Variants in RASA2 observed in about 807,000 individuals in gnomAD.
RASA2 encodes the protein ras GTPase-activating protein 2.
A neutral mutation model predicts 118.2 loss-of-function variants in RASA2; 155 were observed. That is an observed-to-expected ratio of 1.31 (90% CI 1.15 to 1.50). The LOEUF is 1.50. RASA2 is among the 40% of genes most tolerant of loss of function. RASA2 has a pLI of 0.00. For synonymous variants in RASA2, 353 were observed against 349.1 expected (o/e 1.01, Z -0.12); for missense variants, 1,016 against 1,009.6 (o/e 1.01, Z -0.09).
At chr3:141,562,334 AAG>A (rs869181081) in intron 9 of RASA2, among the ~76,000 whole-genome samples, 3 of 150,962 alleles carry the variant, frequency 2.0e-5, no homozygotes, top group Admixed American at 6.6e-5. Flanking sequence ...AAAAAAAAAA[AAG>A]AAATAGGCCT....
chr3:141,556,817 T>C (rs1441232935), intron 7 of RASA2, among the ~76,000 whole-genome samples: 1 of 152,030 alleles, frequency 6.6e-6, no homozygotes, highest in African/African-American at 2.4e-5. Context: ...GCCTGATTGC[T>C]GTACTTTAAT....
intron 7 of RASA2, among the ~76,000 whole-genome samples, chr3:141,558,281 C>A (rs1560030959): frequency 6.6e-6 from 1 of 151,914 alleles, no homozygotes; most frequent in East Asian, 1.9e-4. Flanking sequence ...GTTTTTAGTG[C>A]AAAATAAAAC....
intron 17 of RASA2, 56 bp from the exon 18 acceptor site, chr3:141,585,969 A>AT: frequency 7.1e-7 from 1 of 1,417,104 alleles, no homozygotes; most frequent in Non-Finnish European, 9.7e-7. Context: ...GATAAACTGA[A>AT]TTTTTTATAA....
At chr3:141,547,593 T>C (rs1038131338) in intron 5 of RASA2, among the ~76,000 whole-genome samples, 31 of 152,226 alleles carry the variant, frequency 2.0e-4, no homozygotes, top group African/African-American at 7.5e-4. Flanking sequence ...TCTAATAGTT[T>C]TTTGGTGGAG....
At position 141,589,050 on chromosome 3, in the gene RASA2, C is replaced by T. The variant is rs564419230; in HGVS notation, c.1933+2298C>T. On this transcript the variant is annotated intron_variant, in intron 19 of 23. Transcript: ENST00000286364. ...GGAGACAGGGTTTCACCATGTTGGCCAGGCTGGTCTTGAACTCCTGACCTC... is the reference window on the plus strand; with the variant it reads ...GGAGACAGGGTTTCACCATGTTGGCTAGGCTGGTCTTGAACTCCTGACCTC... Among the ~76,000 whole-genome samples the T allele has an allele frequency of 7.2e-5, 11 of 152,224 alleles. 1 individual carries two copies. The East Asian group carries it at 2.1e-3, about 29-fold the overall frequency.
chr3:141,518,756 T>C (rs1015411802), intron 3 of RASA2, among the ~76,000 whole-genome samples: 1 of 152,096 alleles, frequency 6.6e-6, no homozygotes, highest in East Asian at 1.9e-4. Flanking sequence ...TATATGTTCT[T>C]AGTATTTGGT....
intron 9 of RASA2, among the ~76,000 whole-genome samples, chr3:141,568,836 A>G (rs974852574): frequency 6.6e-6 from 1 of 152,100 alleles, no homozygotes; most frequent in African/African-American, 2.4e-5. Context: ...TGTGGGCAAT[A>G]TGATGATAAG....
At chr3:141,600,133 T>C (rs2083440718) in intron 19 of RASA2, 1 of 277,540 alleles carries the variant, frequency 3.6e-6, no homozygotes, top group Non-Finnish European at 7.5e-6. Context: ...AAAGCTGCAG[T>C]GTGAAAAGAC....
chr3:141,512,258 C>A lies in RASA2; in HGVS notation c.229C>A (p.Gln77Lys). 6.3e-7 allele frequency: 1 copy of A among 1,585,182 alleles called. No homozygotes were observed. Among genetic ancestry groups the A allele is most frequent in the Non-Finnish European group, 8.5e-7 (1 of 1,170,640 alleles). ...GGACCAGGAAGAAGTTTATCGTACC[C>A]AAGTTGTGGAAAAATCTTTAAGGTT... ...NLDQEEVYRT[Q>K]VVEKSLSPFF... is the part of the protein sequence containing the mutation. Residue 77 changes from glutamine to lysine, a missense_variant, in exon 2 of 24, where the codon CAA (glutamine) becomes AAA (lysine). This residue lies in a region of RASA2 where 896 missense variants were observed against 836.4 expected (regional missense o/e 1.07). Transcript: ENST00000286364.
chr3:141,581,002 A>G, intron 16 of RASA2, 98 bp from the exon 17 acceptor site: 1 of 1,227,668 alleles, frequency 8.1e-7, no homozygotes, highest in Non-Finnish European at 1.1e-6. Flanking sequence ...TATATAATTG[A>G]GTCCTTTTAG....
chr3:141,549,957 T>C (rs9849775), intron 5 of RASA2, among the ~76,000 whole-genome samples: 38,013 of 152,182 alleles, frequency 0.25, 5,575 homozygotes, highest in South Asian at 0.4. Flanking sequence ...GATTAAAACT[T>C]ATAGAATAAA....
At chr3:141,533,159 A>T (rs1246954978) in intron 4 of RASA2, among the ~76,000 whole-genome samples, 2 of 152,086 alleles carry the variant, frequency 1.3e-5, no homozygotes, top group African/African-American at 4.8e-5. Flanking sequence ...CTCACCTCCA[A>T]CATCTGACTC....
Position 141,573,158 on chromosome 3 carries a change from C to G in RASA2, c.1296C>G (p.Ser432=). ...AATTTATTTTTCAGATATGTGACTC[C>G]TCAAAATCCTGTGAAATCGATCCTA... The part of the protein sequence containing the change: ...LKPILDEICD[S]SKSCEIDPIK... The change falls in exon 13 of 24, where the codon TCC becomes TCG. Residue 432 remains serine (S), a synonymous_variant. Coordinates refer to ENST00000286364, the MANE Select transcript of RASA2 (RefSeq NM_006506.5). The G allele has an allele frequency of 5.2e-6, 8 of 1,545,698 alleles. No homozygotes were observed. Among genetic ancestry groups the G allele is most frequent in the Non-Finnish European group, 6.9e-6 (8 of 1,155,200 alleles).
chr3:141,518,356 A>G (rs1272667887), intron 3 of RASA2, among the ~76,000 whole-genome samples: 1 of 151,172 alleles, frequency 6.6e-6, no homozygotes, highest in Non-Finnish European at 1.5e-5. Flanking sequence ...GGCGGTGCGC[A>G]CCTGTAGTCC....
Position 141,571,534 on chromosome 3 carries a change from A to G in RASA2, c.1149A>G (p.Glu383=). The change falls in exon 11 of 24, where the codon GAA becomes GAG. Residue 383 remains glutamate (E), a synonymous_variant. Coordinates refer to ENST00000286364, the MANE Select transcript of RASA2 (RefSeq NM_006506.5). ...TTCCTTTTGCCACTGCTGTGGCTGA[A>G]TTAGACTTGAAGGATACACAGTAAG... The part of the protein sequence containing the change: ...KLVPFATAVA[E]LDLKDTQDAN... The G allele has an allele frequency of 6.2e-7, 1 of 1,612,158 alleles. No homozygotes were observed. Among genetic ancestry groups the G allele is most frequent in the South Asian group, 1.1e-5 (1 of 90,754 alleles).
At position 141,555,903 on chromosome 3, in the gene RASA2, T is replaced by C. The variant is rs1165799831; in HGVS notation, c.675T>C (p.Phe225=). The change falls in exon 7 of 24, where the codon TTT becomes TTC. Residue 225 remains phenylalanine (F), a synonymous_variant. Transcript: ENST00000286364. The part of the protein sequence containing the change: ...KTSNPQFNEI[F]YFEVTRSSSY... ...GCAATCCGCAGTTTAATGAAATCTT[T>C]TATTTTGAGGTAATTTTTTGTTTTA... 6.2e-7 allele frequency: 1 copy of C among 1,607,288 alleles called. No individual in the cohort carries two copies. The highest frequency in any genetic ancestry group is 8.5e-7 in the Non-Finnish European group (1 of 1,176,088).
chr3:141,512,305 A>G lies in RASA2; in HGVS notation c.251+25A>G, dbSNP rs780007584. On this transcript the variant is annotated intron_variant, in intron 2 of 23. Coordinates refer to ENST00000286364, the MANE Select transcript of RASA2 (RefSeq NM_006506.5). The stretch of plus-strand genomic sequence containing the variant: ...GGTTGGTAGAAAAAATTGGTAAATT[A>G]TAATTTTTACTATATAGATTGGTAA... 3 of 1,453,418 alleles carry G rather than the reference A, an allele frequency of 2.1e-6. No homozygotes were observed. The East Asian group carries it at 6.9e-5, about 33-fold the overall frequency. The allele number at this position is 1,453,418 out of a possible 1,614,324, so 90.0% of individuals were successfully genotyped here.
intron 5 of RASA2, among the ~76,000 whole-genome samples, chr3:141,541,611 T>C (rs1238271005): frequency 2.0e-5 from 3 of 152,098 alleles, no homozygotes; most frequent in Non-Finnish European, 4.4e-5. Context: ...TATTTTCTAA[T>C]ATTTTAATCT....
In RASA2 at chr3:141,613,785, A is replaced by G. The variant is rs1408957990; in HGVS notation, c.*1472A>G. On this transcript the variant is annotated 3_prime_UTR_variant, in exon 24 of 24. Transcript: ENST00000286364. ...AATTATTTTTAAAGACTACTGGCAT[A>G]CAATCAAAGTTGTTCCATAAAAGAA... The G allele has an allele frequency of 1.3e-5, 2 of 152,236 alleles. No homozygotes were observed. The highest frequency in any genetic ancestry group is 3.2e-3 in the Middle Eastern group (1 of 316). The allele number at this position is 152,236 out of a possible 1,614,324, so 9.4% of individuals were successfully genotyped here.
Sources: gnomAD v4.1 joint callset for allele counts (sites outside exome capture counted in the v4.1 genomes callset) on GRCh38, gnomAD v4.1.1 for gene constraint, gnomAD v4.1.1 regional missense constraint, MANE v1.5 for transcripts, NCBI Gene and HGNC (gene_info 2026-07-23, HGNC 2026-07-21) for gene names.